The following SSX1 variants were observed in gnomAD, a reference collection of about 807,000 sequenced individuals.
The protein encoded by SSX1 is protein SSX1.
In SSX1, 58 loss-of-function variants were observed where a neutral mutation model predicts 14.6. The observed-to-expected ratio is 3.96, with a 90% CI of 3.21 to 4.93. SSX1 has a LOEUF of 4.93. Among genes scored for constraint, SSX1 ranks in the 30% most tolerant of loss-of-function variants. The pLI is 0.00. For missense variants in SSX1, 272 were observed against 143.1 expected (o/e 1.90, Z -4.60); for synonymous variants, 46 against 52.1 (o/e 0.88, Z 0.50).
chrX:48,258,527 T>G lies in SSX1; in HGVS notation c.185-9T>G, dbSNP rs369220749. The G allele has an allele frequency of 6.9e-5, 82 of 1,193,170 alleles. No homozygotes were observed. The highest frequency in any genetic ancestry group is 8.3e-5 in the Non-Finnish European group (73 of 881,593). On this transcript the variant is annotated splice_polypyrimidine_tract_variant and intron_variant, in intron 3 of 7. Coordinates refer to ENST00000376919, the MANE Select transcript of SSX1 (RefSeq NM_005635.4). ...TCCCTTAAGGAATAAACATTTTGCT[T>G]CTTTCTAGGTTTCAAAGTCACCCTC...
chrX:48,257,924 G>A, intron 3 of SSX1, 64 bp downstream of exon 3: 1 of 748,791 alleles, frequency 1.3e-6, no homozygotes, highest in Non-Finnish European at 2.0e-6. Flanking sequence ...TCCTGCTTTG[G>A]CTACTTCTTA....
At chrX:48,261,695 T>C in intron 4 of SSX1, 71 bp from the exon 5 acceptor site, 1 of 1,118,857 alleles carries the variant, frequency 8.9e-7, no homozygotes. Flanking sequence ...AATGCCCTCA[T>C]GCAACGGAAG....
At chrX:48,258,820 T>C (rs1244956726) in intron 4 of SSX1, among the ~76,000 whole-genome samples, 189 bp downstream of exon 4, 23 of 111,208 alleles carry the variant, frequency 2.1e-4, no homozygotes, top group African/African-American at 7.2e-4. Context: ...AAGTAATATG[T>C]ACTTTCATGG....
At position 48,257,272 on chromosome X, in the gene SSX1, C is replaced by G. The variant is rs1556934537; in HGVS notation, c.31C>G (p.Pro11Ala). 2 of 1,210,943 alleles carry G rather than the reference C, an allele frequency of 1.7e-6. No homozygotes were observed. Among genetic ancestry groups the G allele is most frequent in the Admixed American group, 2.2e-5 (1 of 46,015 alleles). Residue 11 changes from proline (P) to alanine (A), a missense_variant, in exon 2 of 8, where the codon CCC (proline) becomes GCC (alanine). By Grantham distance (27) the Pro-to-Ala change is conservative (BLOSUM62 -1). Coordinates refer to ENST00000376919, the MANE Select transcript of SSX1 (RefSeq NM_005635.4). ...CGGAGACGACACCTTTGCAAAGAGA[C>G]CCAGGGATGATGCTAAAGCATCAGA... MNGDDTFAKR[P>A]RDDAKASEKR... is the part of the protein sequence containing the mutation.
At chrX:48,256,716 C>T (rs2059583371) in intron 1 of SSX1, among the ~76,000 whole-genome samples, 1 of 108,397 alleles carries the variant, frequency 9.2e-6, no homozygotes, top group Non-Finnish European at 1.9e-5. Flanking sequence ...GTAATAGCTT[C>T]TAAATCTGTT....
rs1376789468 is a variant in SSX1, at chrX:48,263,125, T to G, written c.331-657T>G. ...CTCTAGCCTGGTGACAGAGCGAGAC[T>G]TTGTCAAAAAAAAAAAAAGAGTAGC... On this transcript the variant is annotated intron_variant, in intron 5 of 7. Coordinates refer to ENST00000376919, the MANE Select transcript of SSX1 (RefSeq NM_005635.4). Among the ~76,000 whole-genome samples, 75 of 108,594 alleles carry G rather than the reference T, an allele frequency of 6.9e-4. 1 individual carries two copies. Among genetic ancestry groups the G allele is most frequent in the Non-Finnish European group, 8.0e-4 (42 of 52,259 alleles). The allele number at this position is 108,594 out of a possible 115,157, so 94.3% of individuals were successfully genotyped here.
intron 4 of SSX1, among the ~76,000 whole-genome samples, chrX:48,259,265 G>A (rs1569451266): frequency 8.9e-6 from 1 of 111,733 alleles, no homozygotes; most frequent in African/African-American, 3.3e-5. Context: ...CCAAAGTGCT[G>A]GGATTACAGG....
chrX:48,260,207 G>T (rs1189870687), intron 4 of SSX1, among the ~76,000 whole-genome samples: 2 of 105,128 alleles, frequency 1.9e-5, no homozygotes, highest in African/African-American at 3.4e-5. Flanking sequence ...GGCCAGTGAT[G>T]GTGAGCATTT....
chrX:48,258,209 T>TTTTTTC (rs2059590667), intron 3 of SSX1, among the ~76,000 whole-genome samples: 1 of 96,042 alleles, frequency 1.0e-5, no homozygotes, highest in Non-Finnish European at 2.1e-5. Flanking sequence ...TTTTTTTTTT[T>TTTTTTC]GAGTCAGAGT....
At position 48,263,893 on chromosome X, in the gene SSX1, T is replaced by G. The variant is rs782615324; in HGVS notation, c.442T>G (p.Ser148Ala). 2 of 1,210,926 alleles carry G rather than the reference T, an allele frequency of 1.7e-6. No individual in the cohort carries two copies. Among genetic ancestry groups the G allele is most frequent in the Non-Finnish European group, 2.2e-6 (2 of 895,231 alleles). Residue 148 changes from serine (S) to alanine (A), a missense_variant, in exon 6 of 8, where the codon TCT (serine) becomes GCT (alanine). By Grantham distance (99) the Ser-to-Ala change is moderately conservative. Coordinates refer to ENST00000376919, the MANE Select transcript of SSX1 (RefSeq NM_005635.4). ...GCACCCCCCAGGAAAAGCAAATATTTCTGAGAAGATTAATAAGAGATCTGG... is the reference window on the plus strand; with the variant it reads ...GCACCCCCCAGGAAAAGCAAATATTGCTGAGAAGATTAATAAGAGATCTGG... ...QLHPPGKANI[S>A]EKINKRSGPK...
intron 7 of SSX1, 29 bp downstream of exon 7, chrX:48,266,420 ATC>A: frequency 8.3e-7 from 1 of 1,209,136 alleles, no homozygotes; most frequent in Non-Finnish European, 1.1e-6. Context: ...CACCCTCCAC[ATC>A]CCTGCAGATG....
chrX:48,258,734 C>G, intron 4 of SSX1, 103 bp downstream of exon 4: 1 of 640,033 alleles, frequency 1.6e-6, no homozygotes, highest in Non-Finnish European at 2.4e-6. Context: ...TCATACACAT[C>G]AGGGTTGAGT....
Position 48,263,832 on chromosome X carries a change from A to C in SSX1, c.381A>C (p.Ser127=). 1 of 1,211,936 alleles carries C rather than the reference A, an allele frequency of 8.3e-7. No homozygotes were observed. The highest frequency in any genetic ancestry group is 1.1e-6 in the Non-Finnish European group (1 of 895,413). The part of the protein sequence containing the change: ...AEDENDSKGV[S]EASGPQNDGK... ...ACGAAAATGATTCGAAGGGAGTGTC[A>C]GAAGCATCTGGCCCACAAAACGATG... is the stretch of plus-strand genomic sequence containing the variant. Residue 127 remains serine (S), a synonymous_variant, in exon 6 of 8, where the codon TCA becomes TCC. Coordinates refer to ENST00000376919, the MANE Select transcript of SSX1 (RefSeq NM_005635.4).
intron 6 of SSX1, 23 bp downstream of exon 6, chrX:48,263,940 C>A (rs1556936000): frequency 1.7e-6 from 2 of 1,206,519 alleles, no homozygotes; most frequent in Non-Finnish European, 2.2e-6. Flanking sequence ...GATTTGGGAA[C>A]AACTTCTCTG....
intron 6 of SSX1, 91 bp downstream of exon 6, chrX:48,264,008 GCCTGGGT>G (rs2059614657): frequency 8.7e-7 from 1 of 1,149,194 alleles, no homozygotes; most frequent in Non-Finnish European, 1.2e-6. Context: ...TCCCAGACAA[GCCTGGGT>G]CCAGGCTGGG....
At chrX:48,263,049 G>A (rs1218947942) in intron 5 of SSX1, among the ~76,000 whole-genome samples, 7 of 110,027 alleles carry the variant, frequency 6.4e-5, no homozygotes, top group East Asian at 2.8e-4. Context: ...CAGGGGAATC[G>A]CTTGAACCGG....
intron 6 of SSX1, among the ~76,000 whole-genome samples, chrX:48,265,590 C>T (rs2059620141): frequency 9.0e-6 from 1 of 111,394 alleles, no homozygotes; most frequent in African/African-American, 3.3e-5. Flanking sequence ...TGACACACAA[C>T]AGGGTGACTA....
intron 2 of SSX1, 41 bp downstream of exon 2, chrX:48,257,351 C>G (rs7886344): frequency 0.43 from 516,403 of 1,196,928 alleles, 77,506 homozygotes; most frequent in Non-Finnish European, 0.46. Context: ...GTCCAGGGGA[C>G]AGAGTAGGGT....
intron 4 of SSX1, among the ~76,000 whole-genome samples, chrX:48,259,840 C>A (rs1472690559): frequency 1.8e-4 from 19 of 105,854 alleles, no homozygotes; most frequent in African/African-American, 5.2e-4. Context: ...TTTTCTTAAT[C>A]CAGTCTATCA....
Sources: gnomAD v4.1 joint callset for allele counts (sites outside exome capture counted in the v4.1 genomes callset) on GRCh38, gnomAD v4.1.1 for gene constraint, MANE v1.5 for transcripts, NCBI Gene and HGNC (gene_info 2026-07-23, HGNC 2026-07-21) for gene names.